RAI14: variants seen among roughly 807,000 people sequenced by gnomAD.
RAI14 encodes retinoic acid induced 14.
RAI14 carries 45 observed loss-of-function variants against 115.4 expected under a neutral mutation model. The observed-to-expected ratio is 0.39, with a 90% CI of 0.31 to 0.50. RAI14 has a LOEUF of 0.50. Among genes scored for constraint, RAI14 ranks in the 20% least tolerant of loss-of-function variants. The probability of loss-of-function intolerance (pLI) is 0.85; values close to 1 mark genes in which losing one functional copy is unlikely to be tolerated. For missense variants in RAI14, 939 were observed against 1,131.2 expected (o/e 0.83, Z 2.44); for synonymous variants, 371 against 415.4 (o/e 0.89, Z 1.30).
At chr5:34,678,031 G>T (rs556700330) in intron 1 of RAI14, among the ~76,000 whole-genome samples, 1 of 152,034 alleles carries the variant, frequency 6.6e-6, no homozygotes, top group East Asian at 1.9e-4. Flanking sequence ...TCTAGGGATC[G>T]CTGTATGGTA....
intron 13 of RAI14, among the ~76,000 whole-genome samples, chr5:34,821,033 T>C (rs901796675): frequency 1.3e-5 from 2 of 152,202 alleles, no homozygotes; most frequent in African/African-American, 4.8e-5. Flanking sequence ...GAGGGTGTGA[T>C]GGGAACCATG....
chr5:34,712,160 A>G (rs910598912), intron 2 of RAI14, among the ~76,000 whole-genome samples: 6 of 152,172 alleles, frequency 3.9e-5, no homozygotes, highest in Non-Finnish European at 5.9e-5. Flanking sequence ...TTCCTTTTAT[A>G]TACAGTAGAA....
chr5:34,679,533 C>T (rs1238114811), intron 1 of RAI14, among the ~76,000 whole-genome samples: 2 of 152,026 alleles, frequency 1.3e-5, no homozygotes, highest in Non-Finnish European at 2.9e-5. Context: ...CCTGGCTTGC[C>T]CATAGTTCTA....
intron 5 of RAI14, among the ~76,000 whole-genome samples, chr5:34,804,232 G>A (rs1483598679): frequency 1.3e-5 from 2 of 152,106 alleles, no homozygotes; most frequent in Non-Finnish European, 2.9e-5. Flanking sequence ...AACTTGATGA[G>A]CTTCAGTTCT....
intron 2 of RAI14, among the ~76,000 whole-genome samples, chr5:34,689,550 C>T (rs142699185): frequency 8.5e-5 from 13 of 152,150 alleles, no homozygotes; most frequent in African/African-American, 2.6e-4. Flanking sequence ...ATATTAGCCC[C>T]GTAAGACTGG....
intron 2 of RAI14, among the ~76,000 whole-genome samples, chr5:34,733,972 A>G (rs1311404726): frequency 1.3e-5 from 2 of 152,136 alleles, no homozygotes; most frequent in Non-Finnish European, 2.9e-5. Context: ...TTCATAACGT[A>G]GTGTCCCAGG....
At chr5:34,716,749 C>T (rs189302923) in intron 2 of RAI14, 17 of 152,308 alleles carry the variant, frequency 1.1e-4, no homozygotes, top group African/African-American at 3.6e-4. Context: ...TCTTCTCTCG[C>T]ACGTTTCTTA....
At chr5:34,681,805 AT>A (rs2149873456) in intron 1 of RAI14, among the ~76,000 whole-genome samples, 1 of 148,540 alleles carries the variant, frequency 6.7e-6, no homozygotes, top group East Asian at 2.0e-4. Flanking sequence ...GCCCTGCTGC[AT>A]TTCTTTTTTC....
At chr5:34,727,217 G>A (rs1743578781) in intron 2 of RAI14, among the ~76,000 whole-genome samples, 2 of 152,192 alleles carry the variant, frequency 1.3e-5, no homozygotes, top group Non-Finnish European at 2.9e-5. Flanking sequence ...TTAGCAAAGA[G>A]ACTGGCAGGA....
At position 34,824,500 on chromosome 5, in the gene RAI14, A is replaced by C. The variant is rs778934974; in HGVS notation, c.2649+9A>C. 1.3e-6 allele frequency: 2 copies of C among 1,552,830 alleles called. No individual in the cohort carries two copies. Among genetic ancestry groups the C allele is most frequent in the South Asian group, 1.3e-5 (1 of 79,536 alleles). Reference sequence around the variant, plus strand: ...AAGATAAAGATAAAAAGGTTGGTGAAACTGTATTGCTGTTGGGTTTCTAGC... The same window carrying C: ...AAGATAAAGATAAAAAGGTTGGTGACACTGTATTGCTGTTGGGTTTCTAGC... On this transcript the variant is annotated intron_variant, in intron 15 of 17. Transcript: ENST00000265109.
At chr5:34,680,215 C>T (rs750529736) in intron 1 of RAI14, among the ~76,000 whole-genome samples, 4 of 152,174 alleles carry the variant, frequency 2.6e-5, no homozygotes, top group Non-Finnish European at 5.9e-5. Flanking sequence ...CCTACCACCC[C>T]TACTGTCTTA....
chr5:34,702,985 C>T lies in RAI14; in HGVS notation c.36+16030C>T, dbSNP rs6899198. On this transcript the variant is annotated intron_variant, in intron 2 of 17. Coordinates refer to ENST00000265109, the MANE Select transcript of RAI14 (RefSeq NM_015577.3). ...CCTCCCAAAGTGGTGGGATTATAGG[C>T]GTGAGCCACCATGCCCAGCCATAAA... Among the ~76,000 whole-genome samples, 1,168 of 152,210 alleles carry T rather than the reference C, an allele frequency of 7.7e-3. 10 individuals carry two copies. Among genetic ancestry groups the T allele is most frequent in the African/African-American group, 0.027 (1,117 of 41,518 alleles).
rs1367809026 is a variant in RAI14 at position 34,665,168 on chromosome 5, T to TACAC, written c.-49+8694_-49+8695insCACA. ...ACATATATATGTGTGTGTATATATA[T>TACAC]ATATACACACATATATATATGTATA... On this transcript the variant is annotated intron_variant, in intron 1 of 17. Transcript: ENST00000265109. Among the ~76,000 whole-genome samples the TACAC allele has an allele frequency of 3.4e-3, 106 of 31,002 alleles. 19 individuals are homozygous for TACAC. The South Asian group carries it at 0.037, about 11-fold the overall frequency. 20.3% of individuals were successfully genotyped at this position (31,002 alleles called of 152,430 possible). A position where few individuals can be genotyped will look rare whatever the true frequency, so the allele number is the denominator to read the frequency against.
chr5:34,796,346 C>T (rs1028735630), intron 4 of RAI14, among the ~76,000 whole-genome samples: 8 of 148,874 alleles, frequency 5.4e-5, no homozygotes, highest in South Asian at 4.3e-4. Flanking sequence ...TGCAGTGAGC[C>T]GAGATTGTGC....
At chr5:34,765,566 A>C (rs1191430150) in intron 3 of RAI14, among the ~76,000 whole-genome samples, 1 of 152,232 alleles carries the variant, frequency 6.6e-6, no homozygotes, top group Non-Finnish European at 1.5e-5. Context: ...TATCTGGCAG[A>C]ATAAATTTCT....
At chr5:34,788,075 C>A (rs1691791421) in intron 3 of RAI14, among the ~76,000 whole-genome samples, 1 of 151,516 alleles carries the variant, frequency 6.6e-6, no homozygotes, top group Admixed American at 6.6e-5. Context: ...TGCTACCACA[C>A]CTGGCTAATT....
At chr5:34,675,429 A>G (rs1743908072) in intron 1 of RAI14, among the ~76,000 whole-genome samples, 1 of 152,104 alleles carries the variant, frequency 6.6e-6, no homozygotes, top group African/African-American at 2.4e-5. Context: ...TTTTGTCTTT[A>G]TAAATTTACC....
chr5:34,811,153 A>G, intron 8 of RAI14, 35 bp downstream of exon 8: 1 of 1,591,708 alleles, frequency 6.3e-7, no homozygotes, highest in Non-Finnish European at 8.6e-7. Flanking sequence ...ATGTGACTTC[A>G]GTGATACCCA....
intron 1 of RAI14, among the ~76,000 whole-genome samples, chr5:34,678,461 T>C (rs1744153614): frequency 6.6e-6 from 1 of 152,156 alleles, no homozygotes; most frequent in Admixed American, 6.5e-5. Flanking sequence ...GTAGGGGTAA[T>C]TAAGGTAAAA....
Sources: allele counts gnomAD v4.1 joint callset (sites outside exome capture counted in the v4.1 genomes callset), GRCh38; gene constraint gnomAD v4.1.1; transcripts MANE v1.5; gene names NCBI Gene and HGNC (gene_info 2026-07-23, HGNC 2026-07-21).